COPE: variants seen among roughly 807,000 people sequenced by gnomAD.
COPE encodes the protein coatomer subunit epsilon.
In COPE, 19 loss-of-function variants were observed where a neutral mutation model predicts 42.1. That is an observed-to-expected ratio of 0.45 (90% CI 0.31 to 0.66). COPE has a LOEUF of 0.66. Among genes scored for constraint, COPE ranks in the 30% least tolerant of loss-of-function variants. COPE has a pLI of 0.05. For synonymous variants in COPE, 195 were observed against 181.3 expected, an observed-to-expected ratio of 1.08 and a Z score of -0.60; for missense variants, 402 against 416.1, an observed-to-expected ratio of 0.97 and a Z score of 0.30.
chr19:18,908,799 G>A (rs899136389), intron 3 of COPE, among the ~76,000 whole-genome samples: 2 of 151,826 alleles, frequency 1.3e-5, no homozygotes, highest in Non-Finnish European at 2.9e-5. Context: ...TTACAGGTGT[G>A]AGCCACTGCG....
intron 3 of COPE, among the ~76,000 whole-genome samples, chr19:18,909,354 G>A (rs896107805): frequency 2.0e-5 from 3 of 152,244 alleles, no homozygotes; most frequent in Non-Finnish European, 2.9e-5. Context: ...TAAGTCTGAA[G>A]TCAAGGTGGC....
At chr19:18,916,166 C>G (rs1177304980) in intron 1 of COPE, among the ~76,000 whole-genome samples, 1 of 152,036 alleles carries the variant, frequency 6.6e-6, no homozygotes, top group African/African-American at 2.4e-5. Context: ...GCCTGGGCAA[C>G]AGAGCAAGAC....
intron 1 of COPE, among the ~76,000 whole-genome samples, chr19:18,914,782 G>T (rs1368492908): frequency 7.0e-6 from 1 of 143,258 alleles, no homozygotes; most frequent in East Asian, 2.1e-4. Flanking sequence ...TTTTGATGGA[G>T]TCTTGCTCTG....
At chr19:18,906,846 GCAC>G (rs2056764232) in intron 4 of COPE, 111 bp downstream of exon 4, 2 of 1,271,414 alleles carry the variant, frequency 1.6e-6, no homozygotes, top group Non-Finnish European at 1.1e-6. Context: ...CCTCATTTCA[GCAC>G]CACCTTTCTC....
intron 9 of COPE, 26 bp from the exon 10 acceptor site, chr19:18,899,752 G>A: frequency 6.2e-7 from 1 of 1,613,566 alleles, no homozygotes; most frequent in South Asian, 1.1e-5. Context: ...TGGCAACACA[G>A]GGTGGGGGCA....
chr19:18,906,937 C>A lies in COPE; in HGVS notation c.443+23G>T, dbSNP rs375728195. ...GGGGCACTTGCCTCCCTGGGCTGGC[C>A]CCAGAGCAGGGAGGCCACTCACCAC... On this transcript the variant is annotated intron_variant, in intron 4 of 9. Coordinates refer to ENST00000262812, the MANE Select transcript of COPE (RefSeq NM_007263.4). 15 of 1,545,488 alleles carry A rather than the reference C, an allele frequency of 9.7e-6. No individual in the cohort carries two copies. In the African/African-American group the frequency reaches 1.5e-4, roughly 15 times the overall value.
chr19:18,917,758 G>C (rs1406917831), intron 1 of COPE, among the ~76,000 whole-genome samples: 1 of 152,086 alleles, frequency 6.6e-6, no homozygotes, highest in Non-Finnish European at 1.5e-5. Flanking sequence ...AAAATTTCTT[G>C]GGTAACTGCC....
At chr19:18,913,192 C>T (rs752461751) in intron 1 of COPE, 146 bp from the exon 2 acceptor site, 29 of 716,006 alleles carry the variant, frequency 4.1e-5, no homozygotes, top group South Asian at 7.9e-5. Flanking sequence ...CCTGATCCTC[C>T]GTAGCCCGAG....
intron 3 of COPE, among the ~76,000 whole-genome samples, 165 bp from the exon 4 acceptor site, chr19:18,907,277 C>T (rs890008609): frequency 9.9e-5 from 15 of 152,234 alleles, no homozygotes; most frequent in South Asian, 4.1e-4. Flanking sequence ...GTCCTCCCTC[C>T]GTTCCTATGA....
chr19:18,904,772 G>A lies in COPE; in HGVS notation c.578C>T (p.Thr193Met), dbSNP rs963395101. Reference sequence around the variant, plus strand: ...CCCACCTCATGGCCTAGGGCTCACCGTGGCCAGGCTGACCCAGGCAGTGGC... The same window carrying A: ...CCCACCTCATGGCCTAGGGCTCACCATGGCCAGGCTGACCCAGGCAGTGGC... ...QLATAWVSLATGGEKLQDAYY... is the reference protein window; with the variant it reads ...QLATAWVSLAMGGEKLQDAYY... The change falls in exon 6 of 10, where the codon ACG becomes ATG. Residue 193 changes from threonine to methionine, a missense_variant and splice_region_variant. Physicochemically the swap from Thr to Met is moderately conservative, Grantham distance 81. Coordinates refer to ENST00000262812, the MANE Select transcript of COPE (RefSeq NM_007263.4). 2.1e-5 allele frequency: 33 copies of A among 1,551,994 alleles called. No homozygotes were observed. The highest frequency in any genetic ancestry group is 1.6e-4 in the African/African-American group (12 of 73,088).
chr19:18,900,936 G>A (rs1025129221), intron 7 of COPE, among the ~76,000 whole-genome samples: 2 of 152,214 alleles, frequency 1.3e-5, no homozygotes, highest in African/African-American at 4.8e-5. Context: ...CAGAGCCCTG[G>A]TGTCTGCTTG....
chr19:18,899,583 C>T lies in COPE; in HGVS notation c.*96G>A, dbSNP rs949124667. ...GGTGCTGGGGGTGGGCTCCTGCCCC[C>T]AGAGGGGATGCAGGTGGATGCCGGG... On this transcript the variant is annotated 3_prime_UTR_variant, in exon 10 of 10. Transcript: ENST00000262812. 1.5e-6 allele frequency: 2 copies of T among 1,367,918 alleles called. No individual in the cohort carries two copies. The highest frequency in any genetic ancestry group is 1.4e-5 in the African/African-American group (1 of 69,988). 84.7% of individuals were successfully genotyped at this position (1,367,918 alleles called of 1,614,324 possible).
At position 18,919,188 on chromosome 19, in the gene COPE, G is replaced by T. The variant is rs377081704; in HGVS notation, c.126+35C>A. Reference sequence around the variant, plus strand: ...CCACCAGAAAGCGTCCTCCGCCTCCGCCCCCAGCGTCCCCGCGCCCCTGCG... The same window carrying T: ...CCACCAGAAAGCGTCCTCCGCCTCCTCCCCCAGCGTCCCCGCGCCCCTGCG... On this transcript the variant is annotated intron_variant, in intron 1 of 9. Coordinates refer to ENST00000262812, the MANE Select transcript of COPE (RefSeq NM_007263.4). 3.8e-6 allele frequency: 6 copies of T among 1,582,774 alleles called. No individual in the cohort carries two copies. The African/African-American group carries it at 6.8e-5, about 18-fold the overall frequency.
chr19:18,910,896 C>G (rs1002207118), intron 3 of COPE, 75 bp downstream of exon 3: 2 of 1,328,642 alleles, frequency 1.5e-6, no homozygotes, highest in African/African-American at 2.9e-5. Flanking sequence ...CATGCCCCCA[C>G]CCACCCAGGT....
Position 18,899,859 on chromosome 19 carries a change from TC to T in COPE, c.879+13del. ...TGGCCTGGTTCTCGGGGACAGGCCA[TC>T]CCCACCACTCACCTTGGCCTGGTAC... On this transcript the variant is annotated intron_variant, in intron 9 of 9. Coordinates refer to ENST00000262812, the MANE Select transcript of COPE (RefSeq NM_007263.4). 6.2e-7 allele frequency: 1 copy of T among 1,612,628 alleles called. No individual in the cohort carries two copies. The highest frequency in any genetic ancestry group is 8.5e-7 in the Non-Finnish European group (1 of 1,179,318).
chr19:18,902,643 T>G (rs1601209163), intron 7 of COPE, among the ~76,000 whole-genome samples: 1 of 110,042 alleles, frequency 9.1e-6, no homozygotes, highest in Non-Finnish European at 1.7e-5. Flanking sequence ...GCAGCCTGGG[T>G]GACAGAGTGA....
At chr19:18,900,125 C>G (rs1424745669) in intron 8 of COPE, 178 bp from the exon 9 acceptor site, 4 of 453,478 alleles carry the variant, frequency 8.8e-6, no homozygotes, top group Non-Finnish European at 1.1e-5. Flanking sequence ...GATGGGCCTG[C>G]CCCCTGGAGA....
intron 4 of COPE, 70 bp downstream of exon 4, chr19:18,906,890 G>C (rs2056764755): frequency 6.8e-7 from 1 of 1,473,878 alleles, no homozygotes; most frequent in South Asian, 1.3e-5. Flanking sequence ...GCGAGGCCGT[G>C]CGCAGCCTGG....
At chr19:18,910,279 C>G (rs1179598850) in intron 3 of COPE, among the ~76,000 whole-genome samples, 1 of 152,214 alleles carries the variant, frequency 6.6e-6, no homozygotes, top group Non-Finnish European at 1.5e-5. Context: ...TCCCACTGGG[C>G]TCCAGGGGAG....
Sources: gnomAD v4.1 joint callset for allele counts (sites outside exome capture counted in the v4.1 genomes callset) on GRCh38, gnomAD v4.1.1 for gene constraint, MANE v1.5 for transcripts, NCBI Gene and HGNC (gene_info 2026-07-23, HGNC 2026-07-21) for gene names.